Variants in PCM1 observed in about 807,000 individuals in gnomAD.
PCM1 encodes the protein pericentriolar material 1.
A neutral mutation model predicts 241.9 loss-of-function variants in PCM1; 157 were observed. That is an observed-to-expected ratio of 0.65 (90% CI 0.57 to 0.74). The LOEUF is 0.74. Among genes scored for constraint, PCM1 ranks in the 30% least tolerant of loss-of-function variants. The pLI, the probability that PCM1 is intolerant of heterozygous loss-of-function variation, is 0.00. For missense variants in PCM1, 3,478 were observed against 2,360.1 expected, an observed-to-expected ratio of 1.47 and a Z score of -9.81; for synonymous variants, 1,085 against 784.9, an observed-to-expected ratio of 1.38 and a Z score of -6.39.
At chr8:17,954,940 G>A (rs1456462455) in intron 9 of PCM1, among the ~76,000 whole-genome samples, 1 of 152,094 alleles carries the variant, frequency 6.6e-6, no homozygotes, top group African/African-American at 2.4e-5. Context: ...CTCTCCTGGA[G>A]CAAGAAAAGT....
At chr8:17,947,406 A>G (rs771491648) in intron 7 of PCM1, 43 bp downstream of exon 7, 1 of 1,382,944 alleles carries the variant, frequency 7.2e-7, no homozygotes, top group East Asian at 2.3e-5. Flanking sequence ...AGGAAGACTC[A>G]TACATAATTG....
At chr8:17,973,978 T>A (rs1031918667) in intron 23 of PCM1, among the ~76,000 whole-genome samples, 8 of 152,196 alleles carry the variant, frequency 5.3e-5, no homozygotes, top group Non-Finnish European at 1.0e-4. Flanking sequence ...GGCACATTTT[T>A]AAAAATTTCA....
At chr8:17,982,827 C>G (rs1332994699) in intron 24 of PCM1, among the ~76,000 whole-genome samples, 2 of 152,052 alleles carry the variant, frequency 1.3e-5, no homozygotes, top group Non-Finnish European at 2.9e-5. Context: ...TAATCATTAC[C>G]CTAAAATTCC....
chr8:17,986,535 T>A (rs923651110), intron 26 of PCM1, among the ~76,000 whole-genome samples: 1 of 149,434 alleles, frequency 6.7e-6, no homozygotes, highest in Non-Finnish European at 1.5e-5. Flanking sequence ...TGTAATTTAA[T>A]GTATTCTAAT....
chr8:18,014,738 C>T lies in PCM1; in HGVS notation c.5739C>T (p.Pro1913=). The T allele has an allele frequency of 6.8e-6, 11 of 1,612,962 alleles. No homozygotes were observed. Among genetic ancestry groups the T allele is most frequent in the Non-Finnish European group, 9.3e-6 (11 of 1,179,832 alleles). Residue 1913 remains proline, a synonymous_variant, in exon 36 of 39, where the codon CCC becomes CCT. Coordinates refer to ENST00000325083, the MANE Select transcript of PCM1 (RefSeq NM_006197.4). ...CGTTACGTTTACCTGAAATGGAACCCTTAGTGCCTAGAGTCAAAGAAGTTA... is the reference window on the plus strand; with the variant it reads ...CGTTACGTTTACCTGAAATGGAACCTTTAGTGCCTAGAGTCAAAGAAGTTA... ...PLPLRLPEME[P]LVPRVKEVKS...
chr8:17,936,591 C>G (rs774000321), intron 3 of PCM1, among the ~76,000 whole-genome samples: 28 of 152,018 alleles, frequency 1.8e-4, no homozygotes, highest in Non-Finnish European at 3.2e-4. Context: ...ATGCTAGGTA[C>G]TAATTAGTTT....
At chr8:17,942,129 C>G (rs943777128) in intron 6 of PCM1, among the ~76,000 whole-genome samples, 1 of 152,004 alleles carries the variant, frequency 6.6e-6, no homozygotes, top group East Asian at 1.9e-4. Flanking sequence ...ATTTATAACA[C>G]GTTCTTAAAC....
Position 18,011,776 on chromosome 8 carries a change from T to C in PCM1, c.5460T>C (p.Thr1820=), listed in dbSNP as rs2092551033. ...EFEEGPVDVQ[T]SLQANTEATE... is the part of the protein sequence containing the mutation. Reference sequence around the variant, plus strand: ...AAGAAGGCCCTGTGGATGTCCAGACTTCCCTCCAGGCTAACACTGAAGCTA... The same window carrying C: ...AAGAAGGCCCTGTGGATGTCCAGACCTCCCTCCAGGCTAACACTGAAGCTA... The change falls in exon 34 of 39, where the codon ACT becomes ACC. Residue 1820 remains threonine, a synonymous_variant. Transcript: ENST00000325083. 1 of 1,613,742 alleles carries C rather than the reference T, an allele frequency of 6.2e-7. No individual in the cohort carries two copies. Among genetic ancestry groups the C allele is most frequent in the Non-Finnish European group, 8.5e-7 (1 of 1,179,778 alleles).
At chr8:17,958,542 G>A (rs1003594517) in intron 13 of PCM1, among the ~76,000 whole-genome samples, 2 of 151,746 alleles carry the variant, frequency 1.3e-5, no homozygotes, top group African/African-American at 2.4e-5. Flanking sequence ...TTGTATTACC[G>A]TGTAACTATT....
intron 6 of PCM1, among the ~76,000 whole-genome samples, chr8:17,946,831 C>CAG (rs940086479): frequency 7.4e-5 from 8 of 107,396 alleles, no homozygotes; most frequent in Non-Finnish European, 1.3e-4. Flanking sequence ...CTAGATTCTT[C>CAG]AGTGTGTGTG....
chr8:17,925,846 G>T (rs2056740321), intron 2 of PCM1: 2 of 152,090 alleles, frequency 1.3e-5, no homozygotes, highest in Admixed American at 1.3e-4. Flanking sequence ...CAAAAAAAAA[G>T]AAACTTTTGT....
Position 18,014,135 on chromosome 8 carries a change from C to T in PCM1, c.5584+99C>T, listed in dbSNP as rs1243847980. 6.9e-6 allele frequency: 5 copies of T among 724,080 alleles called. No individual in the cohort carries two copies. The East Asian group carries it at 1.1e-4, about 16-fold the overall frequency. The allele number at this position is 724,080 out of a possible 1,614,324, so 44.9% of individuals were successfully genotyped here. A position where few individuals can be genotyped will look rare whatever the true frequency, so the allele number is the denominator to read the frequency against. On this transcript the variant is annotated intron_variant, in intron 35 of 38. Transcript: ENST00000325083. ...AACACACACAGAAAACACTAAAATT[C>T]TTAGTTTGAAAGTACTTTGGACCTG...
At position 17,957,284 on chromosome 8, in the gene PCM1, C is replaced by T. The variant is rs769974560; in HGVS notation, c.1667C>T (p.Thr556Ile). The change falls in exon 12 of 39, where the codon ACT (threonine) becomes ATT (isoleucine). Residue 556 changes from threonine (T) to isoleucine (I), a missense_variant. Coordinates refer to ENST00000325083, the MANE Select transcript of PCM1 (RefSeq NM_006197.4). ...TNIRNPQVAS[T>I]WNEVNSHSNA... ...TCTAGAAATCCACAAGTAGCTTCCACTTGGAATGAAGTAAATAGTCATAGT... is the reference window on the plus strand; with the variant it reads ...TCTAGAAATCCACAAGTAGCTTCCATTTGGAATGAAGTAAATAGTCATAGT... The T allele has an allele frequency of 1.9e-6, 3 of 1,593,760 alleles. No individual in the cohort carries two copies. Among genetic ancestry groups the T allele is most frequent in the South Asian group, 2.3e-5 (2 of 87,538 alleles).
chr8:17,957,352 A>C lies in PCM1; in HGVS notation c.1735A>C (p.Asn579His). The change falls in exon 12 of 39, where the codon AAT becomes CAT. Residue 579 changes from asparagine to histidine, a missense_variant. By Grantham distance (68) the Asn-to-His change is moderately conservative. Coordinates refer to ENST00000325083, the MANE Select transcript of PCM1 (RefSeq NM_006197.4). ...VSNNRDGRTV[N>H]SNCEINNRSA... ...TAATAATAGAGATGGGCGAACAGTTAATTCTAATTGTGAAATTAACAACAG... is the reference window on the plus strand; with the variant it reads ...TAATAATAGAGATGGGCGAACAGTTCATTCTAATTGTGAAATTAACAACAG... 1.2e-6 allele frequency: 2 copies of C among 1,612,258 alleles called. No homozygotes were observed. The highest frequency in any genetic ancestry group is 1.7e-6 in the Non-Finnish European group (2 of 1,178,558).
At chr8:18,006,195 T>C (rs2091270426) in intron 29 of PCM1, 68 bp from the exon 30 acceptor site, 2 of 1,260,504 alleles carry the variant, frequency 1.6e-6, no homozygotes, top group Admixed American at 2.7e-5. Context: ...TTTTGTATTA[T>C]ATGGATTGAT....
At chr8:17,945,220 C>A (rs2063376013) in intron 6 of PCM1, among the ~76,000 whole-genome samples, 1 of 152,020 alleles carries the variant, frequency 6.6e-6, no homozygotes, top group South Asian at 2.1e-4. Context: ...TGTAAACTGT[C>A]TGGAAATAAG....
intron 38 of PCM1, 46 bp from the exon 39 acceptor site, chr8:18,027,591 G>C: frequency 7.3e-7 from 1 of 1,376,654 alleles, no homozygotes; most frequent in Non-Finnish European, 1.0e-6. Context: ...TTAAATTCTA[G>C]TAATTCGATA....
At position 18,006,284 on chromosome 8, in the gene PCM1, T is replaced by C. The variant is rs1384081316; in HGVS notation, c.4849T>C (p.Ser1617Pro). ...FLKEHMDEVC[S>P]SQLLTSVRRM... ...TCAGGAGCACATGGATGAAGTATGCTCCTCGCAGCTTCTAACTTCAGTAAG... is the reference window on the plus strand; with the variant it reads ...TCAGGAGCACATGGATGAAGTATGCCCCTCGCAGCTTCTAACTTCAGTAAG... Residue 1617 changes from serine to proline, a missense_variant, in exon 30 of 39, where the codon TCC becomes CCC. Coordinates refer to ENST00000325083, the MANE Select transcript of PCM1 (RefSeq NM_006197.4). The C allele has an allele frequency of 6.2e-7, 1 of 1,610,838 alleles. No homozygotes were observed. The highest frequency in any genetic ancestry group is 8.5e-7 in the Non-Finnish European group (1 of 1,177,704).
chr8:17,963,051 C>T, intron 16 of PCM1, 50 bp from the exon 17 acceptor site: 2 of 1,403,008 alleles, frequency 1.4e-6, no homozygotes, highest in African/African-American at 2.9e-5. Context: ...CTCTTTTAGG[C>T]TACAGCAAAT....
Sources: gnomAD v4.1 joint callset for allele counts (sites outside exome capture counted in the v4.1 genomes callset) on GRCh38, gnomAD v4.1.1 for gene constraint, MANE v1.5 for transcripts, NCBI Gene and HGNC (gene_info 2026-07-23, HGNC 2026-07-21) for gene names.